The following CCDC179 variants were observed in gnomAD, a reference collection of about 807,000 sequenced individuals.
The protein encoded by CCDC179 is coiled-coil domain-containing protein 179.
Under a neutral mutation model 12.0 loss-of-function variants are expected in CCDC179, and 17 were observed. That is an observed-to-expected ratio of 1.42 (90% CI 0.97 to 2.13). CCDC179 has a LOEUF of 2.13. CCDC179 is among the 30% of genes most tolerant of loss of function. CCDC179 has a pLI of 0.00. For missense variants in CCDC179, 83 were observed against 78.6 expected (o/e 1.06, Z -0.21); for synonymous variants, 27 against 26.4 (o/e 1.02, Z -0.07).
rs928260829 is a variant in CCDC179, at chr11:22,857,922, T to A, written c.195A>T (p.Leu65=). Residue 65 remains leucine (L), a splice_region_variant and synonymous_variant, in exon 3 of 4, where the codon CTA becomes CTT. Transcript: ENST00000532798. Reference sequence around the variant, plus strand: ...ATTTCAGTGAAACCTCTATACTTACTAGGAGTCCTGGTTCTGGAATAGGAG... The same window carrying A: ...ATTTCAGTGAAACCTCTATACTTACAAGGAGTCCTGGTTCTGGAATAGGAG... The part of the protein sequence containing the change: ...RPSPIPEPGL[L]WSS 2 of 1,466,456 alleles carry A rather than the reference T, an allele frequency of 1.4e-6. No individual in the cohort carries two copies. The highest frequency in any genetic ancestry group is 1.3e-5 in the South Asian group (1 of 78,172). 90.8% of individuals were successfully genotyped at this position (1,466,456 alleles called of 1,614,324 possible). A position where few individuals can be genotyped will look rare whatever the true frequency, so the allele number is the denominator to read the frequency against.
intron 3 of CCDC179, among the ~76,000 whole-genome samples, chr11:22,855,357 A>G (rs1360923667): frequency 6.6e-6 from 1 of 151,716 alleles, no homozygotes; most frequent in Non-Finnish European, 1.5e-5. Flanking sequence ...GTGTGTTCTC[A>G]GACCACAGTG....
Position 22,846,968 on chromosome 11 carries a change from A to C in CCDC179, c.*542T>G, listed in dbSNP as rs1197423325. 4 of 152,120 alleles carry C rather than the reference A, an allele frequency of 2.6e-5. No individual in the cohort carries two copies. The highest frequency in any genetic ancestry group is 5.9e-5 in the Non-Finnish European group (4 of 68,002). 9.4% of individuals were successfully genotyped at this position (152,120 alleles called of 1,614,324 possible). ...ATAATTTATTTCATACCTAAAAGTA[A>C]AATTTTAATTCAATATTCAAATTTT... On this transcript the variant is annotated 3_prime_UTR_variant, in exon 4 of 4. Coordinates refer to ENST00000532798, the MANE Select transcript of CCDC179 (RefSeq NM_001195637.2).
At position 22,859,484 on chromosome 11, in the gene CCDC179, G is replaced by C. The variant is rs1159422774; in HGVS notation, c.58C>G (p.Gln20Glu). ...TCAGTGACCTCTGAAGGATGATGTT[G>C]TCTTGGTCCTTCCTATATAATAAAC... Reference protein sequence around the residue: ...PSQVNPEGPRQHHPSEVTERQ... With the variant: ...PSQVNPEGPREHHPSEVTERQ... Residue 20 changes from glutamine (Q) to glutamate (E), a missense_variant, in exon 2 of 4, where the codon CAA (glutamine) becomes GAA (glutamate). Transcript: ENST00000532798. 5.3e-6 allele frequency: 8 copies of C among 1,498,338 alleles called. No homozygotes were observed. The highest frequency in any genetic ancestry group is 5.3e-6 in the Non-Finnish European group (6 of 1,125,846). The allele number at this position is 1,498,338 out of a possible 1,614,324, so 92.8% of individuals were successfully genotyped here. A position where few individuals can be genotyped will look rare whatever the true frequency, so the allele number is the denominator to read the frequency against.
Position 22,859,483 on chromosome 11 carries a change from T to A in CCDC179, c.59A>T (p.Gln20Leu). ...PSQVNPEGPR[Q>L]HHPSEVTERQ... The stretch of plus-strand genomic sequence containing the variant: ...CTCAGTGACCTCTGAAGGATGATGT[T>A]GTCTTGGTCCTTCCTATATAATAAA... The change falls in exon 2 of 4, where the codon CAA (glutamine) becomes CTA (leucine). Residue 20 changes from glutamine to leucine, a missense_variant. Physicochemically the swap from Gln to Leu is moderately radical, Grantham distance 113. Coordinates refer to ENST00000532798, the MANE Select transcript of CCDC179 (RefSeq NM_001195637.2). 1.3e-6 allele frequency: 2 copies of A among 1,500,370 alleles called. No individual in the cohort carries two copies. The highest frequency in any genetic ancestry group is 1.8e-6 in the Non-Finnish European group (2 of 1,126,960). The allele number at this position is 1,500,370 out of a possible 1,614,324, so 92.9% of individuals were successfully genotyped here. A position where few individuals can be genotyped will look rare whatever the true frequency, so the allele number is the denominator to read the frequency against.
intron 3 of CCDC179, among the ~76,000 whole-genome samples, chr11:22,854,134 T>G (rs1858482719): frequency 6.6e-6 from 1 of 151,834 alleles, no homozygotes; most frequent in Admixed American, 6.6e-5. Flanking sequence ...AACAAAAGAC[T>G]TCTTCAGACA....
At chr11:22,853,519 A>AAAACT (rs1184252177) in intron 3 of CCDC179, among the ~76,000 whole-genome samples, 1 of 152,124 alleles carries the variant, frequency 6.6e-6, no homozygotes, top group East Asian at 1.9e-4. Flanking sequence ...TCAGAGGAAA[A>AAAACT]AAACTAATTA....
intron 3 of CCDC179, among the ~76,000 whole-genome samples, chr11:22,852,558 G>A (rs901003726): frequency 2.0e-5 from 3 of 152,094 alleles, no homozygotes; most frequent in Non-Finnish European, 4.4e-5. Flanking sequence ...GCCCCACATG[G>A]ACCCAAGACT....
chr11:22,850,464 A>G (rs1858348790), intron 3 of CCDC179, among the ~76,000 whole-genome samples: 1 of 152,176 alleles, frequency 6.6e-6, no homozygotes, highest in Non-Finnish European at 1.5e-5. Flanking sequence ...TTATCCATAT[A>G]CCAGATTTTC....
intron 3 of CCDC179, among the ~76,000 whole-genome samples, chr11:22,854,348 AAAT>A (rs1858486964): frequency 6.6e-6 from 1 of 151,856 alleles, no homozygotes; most frequent in Non-Finnish European, 1.5e-5. Context: ...AATTTGTTCA[AAAT>A]AATAATTGCA....
chr11:22,859,488 T>G lies in CCDC179; in HGVS notation c.54A>C (p.Pro18=), dbSNP rs1403748039. 1.3e-6 allele frequency: 2 copies of G among 1,496,196 alleles called. No homozygotes were observed. Among genetic ancestry groups the G allele is most frequent in the Non-Finnish European group, 1.8e-6 (2 of 1,124,636 alleles). The allele number at this position is 1,496,196 out of a possible 1,614,324, so 92.7% of individuals were successfully genotyped here. ...TGACCTCTGAAGGATGATGTTGTCT[T>G]GGTCCTTCCTATATAATAAACAAAA... ...IEPSQVNPEG[P]RQHHPSEVTE... The change falls in exon 2 of 4, where the codon CCA becomes CCC. Residue 18 remains proline (P), a synonymous_variant. Transcript: ENST00000532798.
intron 1 of CCDC179, 52 bp from the exon 2 acceptor site, chr11:22,859,548 C>T (rs1377808886): frequency 3.6e-6 from 4 of 1,104,036 alleles, no homozygotes; most frequent in African/African-American, 3.2e-5. Context: ...TCATTAAAAA[C>T]AGTAAATTAA....
intron 3 of CCDC179, among the ~76,000 whole-genome samples, chr11:22,854,255 A>G (rs1251304387): frequency 5.7e-4 from 86 of 151,890 alleles, no homozygotes; most frequent in Admixed American, 5.1e-3. Context: ...GACGTACTTA[A>G]AGGAAGAGCA....
chr11:22,854,175 T>A (rs1168439231), intron 3 of CCDC179, among the ~76,000 whole-genome samples: 1 of 151,802 alleles, frequency 6.6e-6, no homozygotes, highest in African/African-American at 2.4e-5. Context: ...TTGTTACTAG[T>A]AGGCTTGCCC....
chr11:22,852,087 A>G (rs774473107), intron 3 of CCDC179, among the ~76,000 whole-genome samples: 1 of 152,208 alleles, frequency 6.6e-6, no homozygotes, highest in African/African-American at 2.4e-5. Flanking sequence ...AAGGAAATAC[A>G]CAACTCCTGT....
chr11:22,856,144 A>G (rs1858524822), intron 3 of CCDC179, among the ~76,000 whole-genome samples: 1 of 151,544 alleles, frequency 6.6e-6, no homozygotes, highest in Admixed American at 6.6e-5. Flanking sequence ...ATAGAAGCAG[A>G]GGGAATACTT....
rs150712487 is a variant in CCDC179 at position 22,855,759 on chromosome 11, T to C, written c.195+2163A>G. Among the ~76,000 whole-genome samples the C allele has an allele frequency of 3.5e-3, 535 of 151,458 alleles. 4 individuals carry two copies. Among genetic ancestry groups the C allele is most frequent in the African/African-American group, 0.012 (513 of 41,476 alleles). On this transcript the variant is annotated intron_variant, in intron 3 of 3. Coordinates refer to ENST00000532798, the MANE Select transcript of CCDC179 (RefSeq NM_001195637.2). The stretch of plus-strand genomic sequence containing the variant: ...AGAGAAAATTAATGAAACCAAAATA[T>C]AATTCTTTGAAAATATTAGTAAAAT...
At position 22,859,868 on chromosome 11, in the gene CCDC179, C is replaced by G. The variant is rs143583728; in HGVS notation, c.46-372G>C. Reference sequence around the variant, plus strand: ...GCTATTGAGCAATCTAGTCTTCAATCTGGTTTCAAAGCCTAGGAGTAATTG... The same window carrying G: ...GCTATTGAGCAATCTAGTCTTCAATGTGGTTTCAAAGCCTAGGAGTAATTG... On this transcript the variant is annotated intron_variant, in intron 1 of 3. Transcript: ENST00000532798. Among the ~76,000 whole-genome samples, 346 of 152,312 alleles carry G rather than the reference C, an allele frequency of 2.3e-3. 1 individual carries two copies. The highest frequency in any genetic ancestry group is 4.0e-3 in the Admixed American group (61 of 15,302).
chr11:22,852,883 A>C (rs141286958), intron 3 of CCDC179, among the ~76,000 whole-genome samples: 1 of 152,344 alleles, frequency 6.6e-6, no homozygotes, highest in Non-Finnish European at 1.5e-5. Context: ...AGTTATAGAT[A>C]CAGACTCACT....
At chr11:22,851,712 A>G (rs1858408192) in intron 3 of CCDC179, among the ~76,000 whole-genome samples, 1 of 152,228 alleles carries the variant, frequency 6.6e-6, no homozygotes, top group Admixed American at 6.5e-5. Flanking sequence ...GGAGAATCAG[A>G]GCTTGCCAGG....
Sources: allele counts gnomAD v4.1 joint callset (sites outside exome capture counted in the v4.1 genomes callset), GRCh38; gene constraint gnomAD v4.1.1; transcripts MANE v1.5; gene names NCBI Gene and HGNC (gene_info 2026-07-23, HGNC 2026-07-21).